CHSY3: variants seen among roughly 807,000 people sequenced by gnomAD.
The protein encoded by CHSY3 is chondroitin sulfate synthase 3.
Under a neutral mutation model 67.2 loss-of-function variants are expected in CHSY3, and 35 were observed. The ratio of observed to expected loss-of-function variants is 0.52; its 90% CI spans 0.40 to 0.69. CHSY3 has a LOEUF of 0.69. CHSY3 is among the 30% of genes least tolerant of loss of function. CHSY3 has a pLI of 0.00. For synonymous variants in CHSY3, 474 were observed against 434.7 expected (o/e 1.09, Z -1.12); for missense variants, 1,069 against 1,138.5 (o/e 0.94, Z 0.88).
rs114048014 is a variant in CHSY3, at chr5:129,913,525, G to T, written c.1086+5165G>T. On this transcript the variant is annotated intron_variant, in intron 2 of 2. Transcript: ENST00000305031. ...TGTTAAAAATTATTTATACATTCAT[G>T]TTCATTTTGTGTATTAGCAGAACTG... Among the ~76,000 whole-genome samples the T allele has an allele frequency of 1.0e-2, 1,516 of 152,124 alleles. 24 individuals are homozygous for T. Among genetic ancestry groups the T allele is most frequent in the African/African-American group, 0.034 (1,431 of 41,520 alleles).
intron 2 of CHSY3, among the ~76,000 whole-genome samples, chr5:130,168,908 A>G (rs1351704984): frequency 3.3e-5 from 5 of 152,078 alleles, no homozygotes; most frequent in South Asian, 2.1e-4. Flanking sequence ...GAGGCCAAGG[A>G]CCATTTTTGT....
At chr5:129,913,730 G>A (rs988874131) in intron 2 of CHSY3, among the ~76,000 whole-genome samples, 4 of 152,132 alleles carry the variant, frequency 2.6e-5, no homozygotes, top group African/African-American at 9.7e-5. Flanking sequence ...AGCCAAAGAA[G>A]ATATCTATTT....
intron 2 of CHSY3, among the ~76,000 whole-genome samples, chr5:129,979,217 A>G (rs1041630694): frequency 3.3e-5 from 5 of 149,790 alleles, no homozygotes; most frequent in African/African-American, 1.2e-4. Flanking sequence ...AAAAAAAAAA[A>G]AAAAAAAAGA....
intron 2 of CHSY3, among the ~76,000 whole-genome samples, chr5:130,157,258 A>G (rs940879655): frequency 6.6e-6 from 1 of 152,220 alleles, no homozygotes; most frequent in African/African-American, 2.4e-5. Context: ...AGGCCAAAAC[A>G]ATGAGCCAAA....
At chr5:130,063,961 GA>G (rs1765797717) in intron 2 of CHSY3, among the ~76,000 whole-genome samples, 1 of 152,082 alleles carries the variant, frequency 6.6e-6, no homozygotes, top group African/African-American at 2.4e-5. Context: ...ACCATAGCAT[GA>G]TAATTAGTGA....
chr5:130,182,297 G>A (rs1770272202), intron 2 of CHSY3, among the ~76,000 whole-genome samples: 1 of 152,004 alleles, frequency 6.6e-6, no homozygotes, highest in South Asian at 2.1e-4. Flanking sequence ...ATACTCTTTT[G>A]TGAAGTACTC....
intron 2 of CHSY3, among the ~76,000 whole-genome samples, chr5:130,130,253 C>A (rs1386171995): frequency 1.3e-5 from 2 of 152,090 alleles, no homozygotes; most frequent in African/African-American, 4.8e-5. Context: ...CAGATGTACA[C>A]ACAATTAAGG....
At chr5:129,978,747 T>C (rs1580606702) in intron 2 of CHSY3, among the ~76,000 whole-genome samples, 1 of 152,142 alleles carries the variant, frequency 6.6e-6, no homozygotes, top group East Asian at 1.9e-4. Context: ...TATCTCAGTT[T>C]ATCTAAATAT....
At chr5:130,122,708 A>G (rs972157499) in intron 2 of CHSY3, among the ~76,000 whole-genome samples, 1 of 152,196 alleles carries the variant, frequency 6.6e-6, no homozygotes, top group African/African-American at 2.4e-5. Context: ...GGTAAACGTA[A>G]ATATTTTGGT....
At chr5:130,119,745 T>C (rs2149708174) in intron 2 of CHSY3, among the ~76,000 whole-genome samples, 1 of 152,316 alleles carries the variant, frequency 6.6e-6, no homozygotes, top group African/African-American at 2.4e-5. Context: ...GCTTTTCCCC[T>C]AACTTGATAG....
At chr5:130,125,605 G>A (rs187405442) in intron 2 of CHSY3, among the ~76,000 whole-genome samples, 1 of 152,296 alleles carries the variant, frequency 6.6e-6, no homozygotes, top group East Asian at 1.9e-4. Context: ...TGAACTCCAA[G>A]TTAATACCTA....
At position 130,145,348 on chromosome 5, in the gene CHSY3, A is replaced by G. The variant is rs562141673; in HGVS notation, c.1087-38881A>G. Among the ~76,000 whole-genome samples the G allele has an allele frequency of 9.8e-5, 15 of 152,334 alleles. No individual in the cohort carries two copies. In the East Asian group the frequency reaches 2.7e-3, roughly 27 times the overall value. ...GGTGCCAAGAACACAGTTAGGGAAGAGATAGTATCTTCAATAAATGTTGCT... is the reference window on the plus strand; with the variant it reads ...GGTGCCAAGAACACAGTTAGGGAAGGGATAGTATCTTCAATAAATGTTGCT... On this transcript the variant is annotated intron_variant, in intron 2 of 2. Transcript: ENST00000305031.
chr5:130,136,488 G>A (rs10463865), intron 2 of CHSY3, among the ~76,000 whole-genome samples: 6,887 of 152,252 alleles, frequency 0.045, 428 homozygotes, highest in East Asian at 0.27. Context: ...AGATGGAGTT[G>A]AGAAAGAAGA....
In CHSY3 at chr5:130,034,047, A is replaced by C. The variant is rs537468894; in HGVS notation, c.1086+125687A>C. On this transcript the variant is annotated intron_variant, in intron 2 of 2. Transcript: ENST00000305031. Reference sequence around the variant, plus strand: ...CTGCGAATAACATCTTCTTAAACTAAATCTTGCTTTTAACTATTGCTTAAG... The same window carrying C: ...CTGCGAATAACATCTTCTTAAACTACATCTTGCTTTTAACTATTGCTTAAG... Among the ~76,000 whole-genome samples, 9 of 152,230 alleles carry C rather than the reference A, an allele frequency of 5.9e-5. No homozygotes were observed. The South Asian group carries it at 1.9e-3, about 32-fold the overall frequency.
chr5:129,957,670 A>C (rs1762216899), intron 2 of CHSY3, among the ~76,000 whole-genome samples: 1 of 152,090 alleles, frequency 6.6e-6, no homozygotes, highest in Non-Finnish European at 1.5e-5. Flanking sequence ...GTGATATTGA[A>C]ATATTTGATG....
chr5:129,945,244 G>A (rs1282691240), intron 2 of CHSY3, among the ~76,000 whole-genome samples: 1 of 152,226 alleles, frequency 6.6e-6, no homozygotes, highest in Non-Finnish European at 1.5e-5. Context: ...AACTCTGTGG[G>A]CAGGAGGAAT....
intron 2 of CHSY3, among the ~76,000 whole-genome samples, chr5:129,919,113 C>CAAAA (rs35333880): frequency 0.011 from 779 of 72,706 alleles, 34 homozygotes; most frequent in Middle Eastern, 0.037. Context: ...GACTCCGTCT[C>CAAAA]AAAAAAAAAA....
intron 2 of CHSY3, among the ~76,000 whole-genome samples, chr5:130,090,912 G>T (rs1008975645): frequency 2.0e-5 from 3 of 152,260 alleles, no homozygotes; most frequent in Middle Eastern, 3.4e-3. Flanking sequence ...ATAAGTGAAA[G>T]AATATGCTAT....
At chr5:130,092,919 G>A (rs541011201) in intron 2 of CHSY3, among the ~76,000 whole-genome samples, 3 of 152,304 alleles carry the variant, frequency 2.0e-5, no homozygotes, top group African/African-American at 7.2e-5. Context: ...AATCATAACA[G>A]CCAAGGTGTC....
Sources: allele counts gnomAD v4.1 joint callset (sites outside exome capture counted in the v4.1 genomes callset), GRCh38; gene constraint gnomAD v4.1.1; transcripts MANE v1.5; gene names NCBI Gene and HGNC (gene_info 2026-07-23, HGNC 2026-07-21).